Variants in HBS1L observed in about 807,000 individuals in gnomAD.
HBS1L encodes the protein HBS1 like translational GTPase, also known as HBS1-like protein.
A neutral mutation model predicts 88.9 loss-of-function variants in HBS1L; 55 were observed. The ratio of observed to expected loss-of-function variants is 0.62; its 90% confidence interval spans 0.50 to 0.77. The LOEUF is 0.77. Among genes scored for constraint, HBS1L ranks in the 30% least tolerant of loss-of-function variants. The pLI is 0.00. For synonymous variants in HBS1L, 267 were observed against 288.5 expected (o/e 0.93, Z 0.76); for missense variants, 741 against 829.3 (o/e 0.89, Z 1.31).
chr6:135,025,438 A>G (rs1776199879), intron 4 of HBS1L, among the ~76,000 whole-genome samples: 1 of 152,188 alleles, frequency 6.6e-6, no homozygotes, highest in Non-Finnish European at 1.5e-5. Context: ...ACACCAAGCA[A>G]GGAAATCATA....
rs182853811 is a variant in HBS1L, at chr6:135,051,179, C to T, written c.44-532G>A. ...AGGCAAGGTTGCAGTGAGCCAAGAC[C>T]GCGCCACTGCACTCAGCCTGGGCGA... On this transcript the variant is annotated intron_variant, in intron 1 of 17. Coordinates refer to ENST00000367837, the MANE Select transcript of HBS1L (RefSeq NM_006620.4). Among the ~76,000 whole-genome samples, 713 of 151,784 alleles carry T rather than the reference C, an allele frequency of 4.7e-3. 4 individuals carry two copies. The highest frequency in any genetic ancestry group is 0.016 in the African/African-American group (649 of 41,384).
At chr6:135,054,596 G>A (rs995131346) in intron 1 of HBS1L, 53 bp downstream of exon 1, 1 of 1,591,740 alleles carries the variant, frequency 6.3e-7, no homozygotes, top group Non-Finnish European at 8.6e-7. Flanking sequence ...CAACGGGCTA[G>A]GATCCCAGCT....
At chr6:135,054,420 C>G (rs1777183480) in intron 1 of HBS1L, among the ~76,000 whole-genome samples, 1 of 152,234 alleles carries the variant, frequency 6.6e-6, no homozygotes, top group African/African-American at 2.4e-5. Context: ...TGACGCTATG[C>G]AGCACCTCCC....
intron 2 of HBS1L, among the ~76,000 whole-genome samples, chr6:135,044,413 C>T (rs1431518828): frequency 6.6e-6 from 1 of 151,960 alleles, no homozygotes; most frequent in African/African-American, 2.4e-5. Context: ...TACATATATC[C>T]CTATTTTCCC....
chr6:135,049,186 CA>C (rs1202927346), intron 2 of HBS1L, among the ~76,000 whole-genome samples: 1 of 152,178 alleles, frequency 6.6e-6, no homozygotes, highest in Non-Finnish European at 1.5e-5. Context: ...AGTCCAAGAT[CA>C]AGGCAGTCTG....
intron 7 of HBS1L, among the ~76,000 whole-genome samples, chr6:134,995,554 C>T (rs893600258): frequency 5.0e-4 from 76 of 151,704 alleles, no homozygotes; most frequent in African/African-American, 1.8e-3. Context: ...GTTCACTTGC[C>T]AGCTCAACTA....
chr6:135,011,024 A>G (rs1341503447), intron 4 of HBS1L, among the ~76,000 whole-genome samples: 3 of 152,202 alleles, frequency 2.0e-5, no homozygotes, highest in Non-Finnish European at 4.4e-5. Context: ...AAGTGTTTCA[A>G]ATCAATGGGG....
chr6:135,006,559 A>AG (rs1030384749), intron 4 of HBS1L, among the ~76,000 whole-genome samples: 10 of 152,236 alleles, frequency 6.6e-5, no homozygotes, highest in South Asian at 2.1e-4. Context: ...ATAGAAATCA[A>AG]GGGGGGGAAA....
chr6:134,966,546 C>A, intron 16 of HBS1L, 73 bp from the exon 17 acceptor site: 1 of 1,009,214 alleles, frequency 9.9e-7, no homozygotes, highest in East Asian at 2.6e-5. Flanking sequence ...ACTTGAAAAA[C>A]AAATATTTCA....
intron 15 of HBS1L, among the ~76,000 whole-genome samples, chr6:134,973,013 C>A (rs553792584): frequency 6.6e-6 from 1 of 152,142 alleles, no homozygotes; most frequent in Admixed American, 6.5e-5. Flanking sequence ...AATGGTAGAG[C>A]CCCTGTGGAA....
intron 4 of HBS1L, among the ~76,000 whole-genome samples, chr6:135,012,323 T>C (rs1775799724): frequency 6.6e-6 from 1 of 152,156 alleles, no homozygotes; most frequent in South Asian, 2.1e-4. Flanking sequence ...CATATCACTA[T>C]GCAACCGGCA....
chr6:135,035,903 C>G, intron 4 of HBS1L: 2 of 653,384 alleles, frequency 3.1e-6, no homozygotes, highest in Non-Finnish European at 3.8e-6. Flanking sequence ...ATACTTAGGA[C>G]AAATGGTTTT....
At chr6:135,006,800 G>A (rs529128644) in intron 4 of HBS1L, among the ~76,000 whole-genome samples, 2 of 152,206 alleles carry the variant, frequency 1.3e-5, no homozygotes, top group East Asian at 1.9e-4. Flanking sequence ...TGATGACGAT[G>A]ATGGGGTGTG....
rs1057403767 is a variant in HBS1L, at chr6:134,966,407, T to C, written c.1965A>G (p.Leu655=). The change falls in exon 17 of 18, where the codon CTA becomes CTG. Residue 655 remains leucine (L), a synonymous_variant. Transcript: ENST00000367837. ...LQTQRPIALE[L]YKDFKELGRF... ...TCCCCAGCTCTTTAAAGTCTTTATA[T>C]AGCTCAAGAGCTATTGGTCTTTGTG... 6.2e-7 allele frequency: 1 copy of C among 1,612,548 alleles called. No homozygotes were observed.
chr6:135,051,351 T>C (rs1223360992), intron 1 of HBS1L, among the ~76,000 whole-genome samples: 1 of 152,096 alleles, frequency 6.6e-6, no homozygotes, highest in African/African-American at 2.4e-5. Context: ...CCACAGAACA[T>C]GGGGGTATAT....
At chr6:135,012,083 G>T (rs1775792624) in intron 4 of HBS1L, among the ~76,000 whole-genome samples, 1 of 152,046 alleles carries the variant, frequency 6.6e-6, no homozygotes, top group Non-Finnish European at 1.5e-5. Flanking sequence ...ATGGCCTATA[G>T]AAACATTAAC....
intron 4 of HBS1L, among the ~76,000 whole-genome samples, chr6:135,021,904 C>T (rs776322006): frequency 6.6e-5 from 10 of 152,098 alleles, no homozygotes; most frequent in Non-Finnish European, 1.0e-4. Flanking sequence ...ATTCACCTTC[C>T]TATCCCCCCT....
chr6:134,961,952 T>G lies in HBS1L; in HGVS notation c.*3327A>C, dbSNP rs1327574620. On this transcript the variant is annotated 3_prime_UTR_variant, in exon 18 of 18. Coordinates refer to ENST00000367837, the MANE Select transcript of HBS1L (RefSeq NM_006620.4). ...TTCTACCATCACCTACCCTCCAATC[T>G]TAAAGTTTTGAATTATCTCTTTATG... 1 of 152,158 alleles carries G rather than the reference T, an allele frequency of 6.6e-6. No homozygotes were observed. The highest frequency in any genetic ancestry group is 2.4e-5 in the African/African-American group (1 of 41,434). 9.4% of individuals were successfully genotyped at this position (152,158 alleles called of 1,614,324 possible).
At chr6:135,041,143 T>C (rs1255602435) in intron 3 of HBS1L, among the ~76,000 whole-genome samples, 1 of 108,962 alleles carries the variant, frequency 9.2e-6, no homozygotes, top group African/African-American at 3.6e-5. Flanking sequence ...CAATACCCTT[T>C]CTTTAAAAAA....
Sources: allele counts gnomAD v4.1 joint callset (sites outside exome capture counted in the v4.1 genomes callset), GRCh38; gene constraint gnomAD v4.1.1; transcripts MANE v1.5; gene names NCBI Gene and HGNC (gene_info 2026-07-23, HGNC 2026-07-21).